The following PHYKPL variants were observed in gnomAD, a reference collection of about 807,000 sequenced individuals.
PHYKPL encodes 5-phosphohydroxy-L-lysine phospho-lyase.
A neutral mutation model predicts 51.3 loss-of-function variants in PHYKPL; 42 were observed. The observed-to-expected ratio is 0.82, with a 90% CI of 0.64 to 1.06. PHYKPL has a LOEUF of 1.06. Ranked by LOEUF, PHYKPL falls within the 50% of genes least tolerant of loss-of-function variation. The pLI is 0.00. For synonymous variants in PHYKPL, 264 were observed against 236.0 expected, an observed-to-expected ratio of 1.12 and a Z score of -1.09; for missense variants, 655 against 586.6, an observed-to-expected ratio of 1.12 and a Z score of -1.20.
chr5:178,228,777 G>A (rs1762791916), intron 3 of PHYKPL, among the ~76,000 whole-genome samples: 1 of 152,212 alleles, frequency 6.6e-6, no homozygotes. Context: ...CCTAGTGTGA[G>A]CTACCATGAC....
At chr5:178,226,908 T>G (rs71611421) in intron 3 of PHYKPL, among the ~76,000 whole-genome samples, 1 of 151,286 alleles carries the variant, frequency 6.6e-6, no homozygotes, top group South Asian at 2.1e-4. Context: ...TATATATGTG[T>G]GTCTGTGTAT....
Position 178,232,637 on chromosome 5 carries a change from C to T in PHYKPL, c.-87G>A, listed in dbSNP as rs775419093. 63 of 1,215,522 alleles carry T rather than the reference C, an allele frequency of 5.2e-5. No homozygotes were observed. The highest frequency in any genetic ancestry group is 6.0e-5 in the Non-Finnish European group (58 of 973,214). The allele number at this position is 1,215,522 out of a possible 1,614,324, so 75.3% of individuals were successfully genotyped here. On this transcript the variant is annotated 5_prime_UTR_variant, in exon 1 of 13. Coordinates refer to ENST00000308158, the MANE Select transcript of PHYKPL (RefSeq NM_153373.4). ...CTCCAAGGCCCCGCTCCGGGCCCCG[C>T]CCCTGCCTGGGTCGGGATTTGGGGC...
chr5:178,209,935 C>T (rs1463228757), intron 12 of PHYKPL, among the ~76,000 whole-genome samples: 1 of 152,080 alleles, frequency 6.6e-6, no homozygotes, highest in Non-Finnish European at 1.5e-5. Context: ...AGTTAGCATC[C>T]TGGTCTCTGA....
rs1758576859 is a variant in PHYKPL at position 178,211,944 on chromosome 5, C to T, written c.1330G>A (p.Glu444Lys). The T allele has an allele frequency of 6.2e-7, 1 of 1,614,218 alleles. No homozygotes were observed. The highest frequency in any genetic ancestry group is 8.5e-7 in the Non-Finnish European group (1 of 1,180,034). Reference sequence around the variant, plus strand: ...GCTTAGGGCTGGAGCCTCAGCGTTTCACAACTTCTCACCTTCTCTTCCATG... The same window carrying T: ...GCTTAGGGCTGGAGCCTCAGCGTTTTACAACTTCTCACCTTCTCTTCCATG... ...TDMEEKVRSCETLRLQP is the reference protein window; with the variant it reads ...TDMEEKVRSCKTLRLQP Residue 444 changes from glutamate to lysine, a missense_variant, in exon 12 of 13, where the codon GAA (glutamate) becomes AAA (lysine). Glu to Lys is a moderately conservative substitution (Grantham distance 56). Transcript: ENST00000308158.
In PHYKPL at chr5:178,215,343, C is replaced by T. The variant is rs762170815; in HGVS notation, c.1015G>A (p.Val339Ile). Residue 339 changes from valine (V) to isoleucine (I), a missense_variant, in exon 9 of 13, where the codon GTA becomes ATA. Transcript: ENST00000308158. ...KEQLQDHATS[V>I]GSFLMQLLGQ... ...AGGAGCTGCATCAGGAAGCTGCCTA[C>T]ACTGGTGGCATGATCCTGGAGCTGC... 1 of 1,614,044 alleles carries T rather than the reference C, an allele frequency of 6.2e-7. No homozygotes were observed. Among genetic ancestry groups the T allele is most frequent in the Admixed American group, 1.7e-5 (1 of 60,008 alleles).
chr5:178,214,932 C>T, intron 9 of PHYKPL, 47 bp from the exon 10 acceptor site: 2 of 1,585,776 alleles, frequency 1.3e-6, no homozygotes, highest in East Asian at 2.2e-5. Flanking sequence ...CCTGAGGGGC[C>T]AGGGTGCTGG....
chr5:178,219,570 C>T (rs1238919214), intron 8 of PHYKPL, among the ~76,000 whole-genome samples: 1 of 151,960 alleles, frequency 6.6e-6, no homozygotes, highest in Non-Finnish European at 1.5e-5. Context: ...CTGCCTCAGC[C>T]TCCCGAGTAG....
intron 8 of PHYKPL, chr5:178,216,270 A>T (rs1759761946): frequency 6.6e-6 from 1 of 152,150 alleles, no homozygotes; most frequent in Non-Finnish European, 1.5e-5. Flanking sequence ...ATGCATAGGG[A>T]TGTGCTTATG....
chr5:178,225,575 T>G (rs1305848735), intron 3 of PHYKPL, 146 bp from the exon 4 acceptor site: 5 of 713,822 alleles, frequency 7.0e-6, no homozygotes, highest in Non-Finnish European at 9.8e-6. Context: ...TTGGTATATA[T>G]CAAATGCCTC....
intron 7 of PHYKPL, 23 bp downstream of exon 7, chr5:178,222,829 G>A (rs971194632): frequency 3.1e-6 from 5 of 1,613,136 alleles, no homozygotes; most frequent in African/African-American, 2.7e-5. Flanking sequence ...CCTCCCTAGA[G>A]CAGACCCCGC....
chr5:178,210,753 C>G lies in PHYKPL; in HGVS notation c.*31+1137G>C, dbSNP rs915670561. 8.2e-6 allele frequency: 6 copies of G among 730,842 alleles called. No homozygotes were observed. In the Admixed American group the frequency reaches 8.4e-5, roughly 10 times the overall value. The allele number at this position is 730,842 out of a possible 1,614,324, so 45.3% of individuals were successfully genotyped here. On this transcript the variant is annotated intron_variant, in intron 12 of 12. Transcript: ENST00000308158. ...CCCATGTGCATCTTATTTAAAATTTCCCCCATGGAAATCACTCTCCTGTTG... is the reference window on the plus strand; with the variant it reads ...CCCATGTGCATCTTATTTAAAATTTGCCCCATGGAAATCACTCTCCTGTTG...
chr5:178,213,093 TCTC>T lies in PHYKPL; in HGVS notation c.1180_1182del (p.Glu394del), dbSNP rs749456568. ...CCATCAGTGCTCAGCAAAACGTAGT[TCTC>T]CTTCAGCCTGTGAGGACAGGACACC... On this transcript the variant is annotated inframe_deletion, in exon 11 of 13. Transcript: ENST00000308158. 6.8e-6 allele frequency: 11 copies of T among 1,613,922 alleles called. No homozygotes were observed. The highest frequency in any genetic ancestry group is 6.7e-5 in the East Asian group (3 of 44,900).
At position 178,232,419 on chromosome 5, in the gene PHYKPL, T is replaced by TGCGTGCGTCGTGCGTGC. The variant is rs1561760379; in HGVS notation, c.59+56_59+72dup. On this transcript the variant is annotated intron_variant, in intron 1 of 12. Coordinates refer to ENST00000308158, the MANE Select transcript of PHYKPL (RefSeq NM_153373.4). ...CGGAGGCGCGTGCGTAGTGCGTGCG[T>TGCGTGCGTCGTGCGTGC]GCGTGCGTCGTGCGTGCGCGTGCCT... The TGCGTGCGTCGTGCGTGC allele has an allele frequency of 3.7e-6, 5 of 1,359,994 alleles. No individual in the cohort carries two copies. The African/African-American group carries it at 4.9e-5, about 13-fold the overall frequency. 84.2% of individuals were successfully genotyped at this position (1,359,994 alleles called of 1,614,324 possible).
intron 12 of PHYKPL, chr5:178,209,996 A>G: frequency 3.2e-6 from 4 of 1,252,046 alleles, no homozygotes; most frequent in Non-Finnish European, 4.4e-6. Context: ...GCCCTTATAC[A>G]CCAGAACAGC....
chr5:178,208,381 A>C (rs1247032843), downstream of PHYKPL: 1 of 152,210 alleles, frequency 6.6e-6, no homozygotes, highest in East Asian at 1.9e-4. Context: ...ACTCCAGTGG[A>C]CAGTGATAGA....
chr5:178,213,936 CCAGGGTATTGTGAGACACGGGCTG>C (rs1383761066), intron 10 of PHYKPL, among the ~76,000 whole-genome samples: 1 of 152,158 alleles, frequency 6.6e-6, no homozygotes, highest in African/African-American at 2.4e-5. Flanking sequence ...AAAAGCACCC[CCAGGGTATTGTGAGACACGGGCTG>C]AACTTGGGAT....
chr5:178,232,474 C>T lies in PHYKPL; in HGVS notation c.59+18G>A. 7.4e-7 allele frequency: 1 copy of T among 1,359,044 alleles called. No individual in the cohort carries two copies. 84.2% of individuals were successfully genotyped at this position (1,359,044 alleles called of 1,614,324 possible). A position where few individuals can be genotyped will look rare whatever the true frequency, so the allele number is the denominator to read the frequency against. On this transcript the variant is annotated intron_variant, in intron 1 of 12. Transcript: ENST00000308158. The stretch of plus-strand genomic sequence containing the variant: ...GCGCAGCCCCGCGCCCCCCGCCGCC[C>T]GCCCCCCGCCCGGGTACCTGATGAG...
At chr5:178,224,210 C>T (rs1190319385) in intron 6 of PHYKPL, 1 of 496,092 alleles carries the variant, frequency 2.0e-6, no homozygotes, top group Non-Finnish European at 3.5e-6. Flanking sequence ...AGAGCACCCC[C>T]TCCAAGGACC....
rs1260154832 is a variant in PHYKPL, at chr5:178,231,512, C to T, written c.71G>A (p.Arg24Lys). ...LRQRLISSSC[R>K]LFFPEDPVKI... ...AACAGGATCCTCGGGAAAAAAGAGT[C>T]TGCAGGAAGAGCTGTGGGGACAGGC... The change falls in exon 2 of 13, where the codon AGA (arginine) becomes AAA (lysine). Residue 24 changes from arginine (R) to lysine (K), a missense_variant. By Grantham distance (26) the Arg-to-Lys change is conservative. Coordinates refer to ENST00000308158, the MANE Select transcript of PHYKPL (RefSeq NM_153373.4). 16 of 1,614,184 alleles carry T rather than the reference C, an allele frequency of 9.9e-6. No homozygotes were observed. In the East Asian group the frequency reaches 3.3e-4, roughly 34 times the overall value.
Sources: allele counts gnomAD v4.1 joint callset (sites outside exome capture counted in the v4.1 genomes callset), GRCh38; gene constraint gnomAD v4.1.1; transcripts MANE v1.5; gene names NCBI Gene and HGNC (gene_info 2026-07-23, HGNC 2026-07-21).